Variants in FARS2 observed in about 807,000 individuals in gnomAD.
FARS2 encodes phenylalanyl-tRNA synthetase 2, mitochondrial, also known as phenylalanine--tRNA ligase, mitochondrial.
FARS2 carries 40 observed loss-of-function variants against 46.4 expected under a neutral mutation model. The observed-to-expected ratio is 0.86, with a 90% confidence interval of 0.67 to 1.12. The LOEUF is 1.12. Among genes scored for constraint, FARS2 ranks in the 50% most tolerant of loss-of-function variants. The pLI is 0.00. For missense variants in FARS2, 513 were observed against 567.9 expected, an observed-to-expected ratio of 0.90 and a Z score of 0.98; for synonymous variants, 234 against 214.9, an observed-to-expected ratio of 1.09 and a Z score of -0.78.
At chr6:5,373,247 A>T (rs150422754) in intron 2 of FARS2, among the ~76,000 whole-genome samples, 1 of 152,170 alleles carries the variant, frequency 6.6e-6, no homozygotes, top group Non-Finnish European at 1.5e-5. Flanking sequence ...ATCACTGTTC[A>T]TCAGTGACTA....
chr6:5,567,827 T>G (rs1582466860), intron 5 of FARS2, among the ~76,000 whole-genome samples: 1 of 152,258 alleles, frequency 6.6e-6, no homozygotes, highest in East Asian at 1.9e-4. Context: ...GCTAGCTATT[T>G]TCCCCTGGGT....
At chr6:5,656,484 C>T (rs1470969314) in intron 6 of FARS2, among the ~76,000 whole-genome samples, 1 of 152,186 alleles carries the variant, frequency 6.6e-6, no homozygotes, top group Non-Finnish European at 1.5e-5. Context: ...CTTGCCACCC[C>T]CCAGAGCACC....
chr6:5,692,369 A>T (rs2150866284), intron 6 of FARS2, among the ~76,000 whole-genome samples: 1 of 152,316 alleles, frequency 6.6e-6, no homozygotes, highest in South Asian at 2.1e-4. Flanking sequence ...TTTAAAATTT[A>T]TCTCAACCTC....
intron 3 of FARS2, among the ~76,000 whole-genome samples, chr6:5,415,493 T>G (rs1762186992): frequency 6.6e-6 from 1 of 150,966 alleles, no homozygotes; most frequent in Non-Finnish European, 1.5e-5. Flanking sequence ...ATTTTTGTAT[T>G]TTTAGTAGAG....
intron 6 of FARS2, among the ~76,000 whole-genome samples, chr6:5,754,578 A>G (rs1013808525): frequency 6.6e-6 from 1 of 152,202 alleles, no homozygotes; most frequent in African/African-American, 2.4e-5. Context: ...TTTTCCTGAA[A>G]TATACCCTTC....
At chr6:5,429,375 A>G (rs1380824002) in intron 3 of FARS2, among the ~76,000 whole-genome samples, 2 of 152,252 alleles carry the variant, frequency 1.3e-5, no homozygotes, top group Non-Finnish European at 2.9e-5. Context: ...AAATCAATTA[A>G]AGAAAAATCT....
intron 5 of FARS2, among the ~76,000 whole-genome samples, chr6:5,562,813 T>C (rs1458410718): frequency 6.6e-6 from 1 of 150,820 alleles, no homozygotes; most frequent in African/African-American, 2.4e-5. Context: ...TTTCTTTTTT[T>C]TTTTTTTTTA....
intron 1 of FARS2, among the ~76,000 whole-genome samples, chr6:5,341,235 A>ATATATATATATATATATTTTT (rs1561970178): frequency 9.7e-5 from 1 of 10,276 alleles, no homozygotes; most frequent in Non-Finnish European, 2.0e-4. Context: ...ATATATATAT[A>ATATATATATATATATATTTTT]TTTTTTTTTT....
chr6:5,595,287 G>A (rs77666263), intron 5 of FARS2, among the ~76,000 whole-genome samples: 356 of 152,236 alleles, frequency 2.3e-3, no homozygotes, highest in African/African-American at 8.2e-3. Context: ...CATACCTTGT[G>A]CCTAGGAGGT....
intron 5 of FARS2, among the ~76,000 whole-genome samples, chr6:5,553,418 A>G (rs1771480684): frequency 6.6e-6 from 1 of 152,092 alleles, no homozygotes; most frequent in Non-Finnish European, 1.5e-5. Context: ...TAACCCTCTG[A>G]GTTTGGGCGC....
chr6:5,595,213 A>C (rs1774130102), intron 5 of FARS2, among the ~76,000 whole-genome samples: 1 of 152,136 alleles, frequency 6.6e-6, no homozygotes, highest in South Asian at 2.1e-4. Flanking sequence ...TTGACCCTTT[A>C]GCTCTTCAGA....
At chr6:5,581,390 A>C (rs1001134633) in intron 5 of FARS2, among the ~76,000 whole-genome samples, 9 of 152,196 alleles carry the variant, frequency 5.9e-5, no homozygotes, top group Non-Finnish European at 1.3e-4. Flanking sequence ...AATGAGTTAT[A>C]TTTTGCTTTT....
chr6:5,572,257 G>A (rs964292378), intron 5 of FARS2, among the ~76,000 whole-genome samples: 2 of 152,124 alleles, frequency 1.3e-5, no homozygotes, highest in African/African-American at 4.8e-5. Flanking sequence ...AAGGTGAAGG[G>A]ACAGCAGACA....
chr6:5,551,775 C>G (rs1365006759), intron 5 of FARS2, among the ~76,000 whole-genome samples: 1 of 152,196 alleles, frequency 6.6e-6, no homozygotes, highest in African/African-American at 2.4e-5. Flanking sequence ...CGTCTAGAGA[C>G]AGTCCTCAGT....
chr6:5,372,396 A>G (rs1444842105), intron 2 of FARS2, among the ~76,000 whole-genome samples: 2 of 152,160 alleles, frequency 1.3e-5, no homozygotes, highest in African/African-American at 4.8e-5. Flanking sequence ...AACCATGCAC[A>G]TACATGGAGT....
the FARS2 span, among the ~76,000 whole-genome samples, chr6:5,251,328 G>A: frequency 1.3e-5 from 2 of 151,844 alleles, no homozygotes; most frequent in Non-Finnish European, 2.9e-5. Flanking sequence ...TCATATTAGG[G>A]TGGTATTTGA....
rs1432589197 is a variant in FARS2 at position 5,399,125 on chromosome 6, ATTTTAT to A, written c.613-5415_613-5410del. Reference sequence around the variant, plus strand: ...CCCACCTCTGGGTAGATTTTATATTATTTTATTATTATTATTATTATTATTATTATT... The same window carrying A: ...CCCACCTCTGGGTAGATTTTATATTATATTATTATTATTATTATTATTATT... On this transcript the variant is annotated intron_variant, in intron 2 of 6. Coordinates refer to ENST00000274680, the MANE Select transcript of FARS2 (RefSeq NM_006567.5). 2.6e-4 allele frequency among the ~76,000 whole-genome samples: 35 copies of A among 135,344 alleles called. 2 individuals are homozygous for A. In the South Asian group the frequency reaches 7.6e-3, roughly 29 times the overall value. The allele number at this position is 135,344 out of a possible 152,430, so 88.8% of individuals were successfully genotyped here. A position where few individuals can be genotyped will look rare whatever the true frequency, so the allele number is the denominator to read the frequency against.
intron 4 of FARS2, among the ~76,000 whole-genome samples, chr6:5,461,043 C>CT (rs749504920): frequency 0.028 from 3,925 of 141,380 alleles, 156 homozygotes; most frequent in African/African-American, 0.09. Flanking sequence ...ATTTTAAAGT[C>CT]TTTTTTTTTT....
At chr6:5,643,105 G>A (rs913179590) in intron 6 of FARS2, among the ~76,000 whole-genome samples, 1 of 152,166 alleles carries the variant, frequency 6.6e-6, no homozygotes, top group Non-Finnish European at 1.5e-5. Flanking sequence ...ATTTACTTAC[G>A]ATTACTTAAA....
Sources: gnomAD v4.1 joint callset for allele counts (sites outside exome capture counted in the v4.1 genomes callset) on GRCh38, gnomAD v4.1.1 for gene constraint, MANE v1.5 for transcripts, NCBI Gene and HGNC (gene_info 2026-07-23, HGNC 2026-07-21) for gene names.